Variants in ACTA2 observed in about 807,000 individuals in gnomAD.
ACTA2 encodes actin, aortic smooth muscle.
In ACTA2, 12 loss-of-function variants were observed where a neutral mutation model predicts 39.5. That is an observed-to-expected ratio of 0.30 (90% confidence interval 0.19 to 0.49). The LOEUF (loss-of-function observed/expected upper bound fraction) is 0.49, where lower values mean the gene tolerates loss of function less well. Among genes scored for constraint, ACTA2 ranks in the 20% least tolerant of loss-of-function variants. ACTA2 has a pLI of 0.99. For synonymous variants in ACTA2, 158 were observed against 180.6 expected, an observed-to-expected ratio of 0.88 and a Z score of 1.00; for missense variants, 236 against 498.8, an observed-to-expected ratio of 0.47 and a Z score of 5.02.
chr10:88,941,146 T>C, intron 6 of ACTA2, 83 bp downstream of exon 6: 2 of 1,569,290 alleles, frequency 1.3e-6, no homozygotes. Context: ...CATCCCATCA[T>C]CTCCTTGGAT....
chr10:88,941,415 G>C, intron 5 of ACTA2, 25 bp from the exon 6 acceptor site: 1 of 1,613,864 alleles, frequency 6.2e-7, no homozygotes, highest in Non-Finnish European at 8.5e-7. Context: ...GGCGTGATAA[G>C]TCACCATGGC....
chr10:88,974,636 GC>G (rs1349033022), intron 1 of ACTA2: 5 of 152,298 alleles, frequency 3.3e-5, no homozygotes, highest in Non-Finnish European at 7.4e-5. Context: ...ATAGGCATGA[GC>G]CACCATGCCT....
Position 88,990,986 on chromosome 10 carries a change from G to A in ACTA2, c.-71C>T, listed in dbSNP as rs569284473. The A allele has an allele frequency of 2.7e-5, 43 of 1,599,626 alleles. No individual in the cohort carries two copies. The highest frequency in any genetic ancestry group is 3.4e-5 in the Admixed American group (2 of 59,662). On this transcript the variant is annotated 5_prime_UTR_variant, in exon 1 of 5. Transcript: ENST00000415557. The surrounding 1 kb of genome is among the most constrained non-coding windows in gnomAD (Gnocchi z 4.9). Reference sequence around the variant, plus strand: ...GCAAAGTGGGGCGGGCGCGGGACGCGTGCGGGATTGCGGCGGCAGCGGCGC... The same window carrying A: ...GCAAAGTGGGGCGGGCGCGGGACGCATGCGGGATTGCGGCGGCAGCGGCGC...
In ACTA2 at chr10:88,990,869, C is replaced by G; in HGVS notation, c.-24+70G>C. The G allele has an allele frequency of 6.2e-7, 1 of 1,614,242 alleles. No homozygotes were observed. Among genetic ancestry groups the G allele is most frequent in the Non-Finnish European group, 8.5e-7 (1 of 1,180,042 alleles). On this transcript the variant is annotated intron_variant, in intron 1 of 4. Transcript: ENST00000415557. The surrounding 1 kb of genome is among the most constrained non-coding windows in gnomAD (Gnocchi z 4.9). ...AGCTCTTTCACTTCGGAGGATTGCT[C>G]AACAACCATGCTGGGCATCTGGACC...
At chr10:88,941,673 C>A in intron 5 of ACTA2, 112 bp downstream of exon 5, 1 of 1,009,604 alleles carries the variant, frequency 9.9e-7, no homozygotes. Flanking sequence ...CTGGGTTCAG[C>A]CGTGTCCATT....
At chr10:88,956,795 G>A (rs1846145430), upstream of ACTA2, among the ~76,000 whole-genome samples, 2 of 152,206 alleles carry the variant, frequency 1.3e-5, no homozygotes, top group Non-Finnish European at 1.5e-5. Context: ...AAATAGCTGA[G>A]ACTGGATAGT....
At chr10:88,947,976 A>G (rs955379341) in intron 2 of ACTA2, among the ~76,000 whole-genome samples, 1 of 152,212 alleles carries the variant, frequency 6.6e-6, no homozygotes, top group Non-Finnish European at 1.5e-5. Flanking sequence ...TGCATTTAAA[A>G]AAAATCATTA....
At chr10:88,982,009 T>C (rs2133350312) in intron 1 of ACTA2, among the ~76,000 whole-genome samples, 1 of 152,326 alleles carries the variant, frequency 6.6e-6, no homozygotes, top group South Asian at 2.1e-4. Context: ...TTAAATAAGT[T>C]AGTATATATA....
At chr10:88,958,791 A>T (rs1846179210) in intron 1 of ACTA2, among the ~76,000 whole-genome samples, 2 of 152,154 alleles carry the variant, frequency 1.3e-5, no homozygotes, top group South Asian at 4.1e-4. Context: ...TCTCCTTCAC[A>T]AAAGACTTTG....
intron 7 of ACTA2, chr10:88,939,282 C>CA: frequency 1.7e-6 from 1 of 593,884 alleles, no homozygotes; most frequent in Non-Finnish European, 3.0e-6. Context: ...ACCATGAATG[C>CA]TTTGGGCTTA....
At chr10:88,941,185 C>A (rs1435056043) in intron 6 of ACTA2, 44 bp downstream of exon 6, 1 of 1,611,920 alleles carries the variant, frequency 6.2e-7, no homozygotes, top group Non-Finnish European at 8.5e-7. Context: ...AGTTACTGAG[C>A]AACACACTGC....
intron 1 of ACTA2, among the ~76,000 whole-genome samples, chr10:88,983,625 A>T (rs919331859): frequency 1.6e-4 from 24 of 147,458 alleles, no homozygotes; most frequent in African/African-American, 5.7e-4. Context: ...AAAAAAAAAA[A>T]AAAAAAAAAA....
At chr10:88,971,466 G>T (rs1382291571) in intron 1 of ACTA2, among the ~76,000 whole-genome samples, 1 of 152,180 alleles carries the variant, frequency 6.6e-6, no homozygotes, top group Non-Finnish European at 1.5e-5. Context: ...GAGTGTTTGG[G>T]TAAACAGAAT....
At chr10:88,978,662 T>A (rs1212926410) in intron 1 of ACTA2, among the ~76,000 whole-genome samples, 1 of 152,130 alleles carries the variant, frequency 6.6e-6, no homozygotes, top group East Asian at 1.9e-4. Context: ...CAGGCTCAGT[T>A]CATTTGCACC....
At chr10:88,967,759 C>T (rs1846345295) in intron 1 of ACTA2, among the ~76,000 whole-genome samples, 1 of 152,182 alleles carries the variant, frequency 6.6e-6, no homozygotes, top group South Asian at 2.1e-4. Context: ...CTGTGAATTA[C>T]ATCAGCAGGT....
chr10:88,973,677 C>T (rs529339549), intron 1 of ACTA2: 2 of 166,864 alleles, frequency 1.2e-5, no homozygotes, highest in Non-Finnish European at 2.6e-5. Context: ...ATTTGAATAA[C>T]ACCCATATTC....
At chr10:88,986,218 T>C (rs1846877309) in intron 1 of ACTA2, among the ~76,000 whole-genome samples, 1 of 152,186 alleles carries the variant, frequency 6.6e-6, no homozygotes, top group Non-Finnish European at 1.5e-5. Flanking sequence ...CAACATCTCT[T>C]GAAAAGTGGT....
chr10:88,974,874 C>T (rs1297110011), intron 1 of ACTA2: 1 of 152,130 alleles, frequency 6.6e-6, no homozygotes, highest in African/African-American at 2.4e-5. Flanking sequence ...TACTATATAG[C>T]GCTCTAAATC....
intron 1 of ACTA2, among the ~76,000 whole-genome samples, chr10:88,960,972 G>T (rs879511695): frequency 5.9e-5 from 9 of 152,124 alleles, no homozygotes; most frequent in African/African-American, 1.7e-4. Context: ...TTAGTGCATT[G>T]TTCAATTTTA....
Sources: gnomAD v4.1 joint callset for allele counts (sites outside exome capture counted in the v4.1 genomes callset) on GRCh38, gnomAD v4.1.1 for gene constraint, Gnocchi (gnomAD v3.1) non-coding constraint, MANE v1.5 for transcripts, NCBI Gene and HGNC (gene_info 2026-07-23, HGNC 2026-07-21) for gene names.